The following SCMH1 variants were observed in gnomAD, a reference collection of about 807,000 sequenced individuals.
SCMH1 encodes polycomb protein SCMH1.
In SCMH1, 37 loss-of-function variants were observed where a neutral mutation model predicts 70.8. The ratio of observed to expected loss-of-function variants is 0.52; its 90% CI spans 0.40 to 0.69. The LOEUF (loss-of-function observed/expected upper bound fraction) is 0.69. Among genes scored for constraint, SCMH1 ranks in the 30% least tolerant of loss-of-function variants. SCMH1 has a pLI of 0.00. For missense variants in SCMH1, 607 were observed against 827.3 expected, an observed-to-expected ratio of 0.73 and a Z score of 3.27; for synonymous variants, 292 against 307.4, an observed-to-expected ratio of 0.95 and a Z score of 0.52.
At chr1:41,100,786 G>A (rs11209523) in intron 8 of SCMH1, among the ~76,000 whole-genome samples, 13,173 of 151,962 alleles carry the variant, frequency 0.087, 715 homozygotes, top group South Asian at 0.13. Context: ...GGCTGGTCTC[G>A]AACTCCTGAC....
In SCMH1 at chr1:41,143,503, A is replaced by G. The variant is rs186986666; in HGVS notation, c.178-391T>C. The stretch of plus-strand genomic sequence containing the variant: ...GTGTCTCTTTGTGGAATATTTCAGT[A>G]TATTGGTGTGTATATCTACCACACA... On this transcript the variant is annotated intron_variant, in intron 5 of 14. Coordinates refer to ENST00000337495, the Ensembl canonical transcript of SCMH1. Among the ~76,000 whole-genome samples the G allele has an allele frequency of 8.5e-5, 13 of 152,262 alleles. No individual in the cohort carries two copies. In the East Asian group the frequency reaches 2.5e-3, roughly 29 times the overall value.
chr1:41,103,025 T>C (rs994657879), intron 8 of SCMH1, among the ~76,000 whole-genome samples: 2 of 152,172 alleles, frequency 1.3e-5, no homozygotes, highest in Non-Finnish European at 2.9e-5. Context: ...CATATATGAA[T>C]GTTTATGTTT....
chr1:41,139,261 G>A (rs1039489516), intron 6 of SCMH1, among the ~76,000 whole-genome samples: 1 of 151,970 alleles, frequency 6.6e-6, no homozygotes, highest in Non-Finnish European at 1.5e-5. Flanking sequence ...TCTCATTCTG[G>A]GGGCAATTTT....
chr1:41,120,689 T>C (rs1260659990), intron 6 of SCMH1, among the ~76,000 whole-genome samples: 1 of 152,104 alleles, frequency 6.6e-6, no homozygotes, highest in Non-Finnish European at 1.5e-5. Flanking sequence ...TCATAGATAG[T>C]AGATAATTTT....
chr1:41,205,213 G>A (rs982357654), intron 1 of SCMH1, among the ~76,000 whole-genome samples: 2 of 152,174 alleles, frequency 1.3e-5, no homozygotes, highest in Non-Finnish European at 1.5e-5. Context: ...TACAGCCCAC[G>A]GAGGGCAAGC....
intron 8 of SCMH1, among the ~76,000 whole-genome samples, chr1:41,098,385 C>CA (rs1665667072): frequency 6.6e-6 from 1 of 152,114 alleles, no homozygotes; most frequent in Non-Finnish European, 1.5e-5. Context: ...GAAAATAACT[C>CA]ACATTTTTTG....
intron 1 of SCMH1, among the ~76,000 whole-genome samples, chr1:41,212,628 C>T (rs565813062): frequency 2.4e-4 from 37 of 152,056 alleles, no homozygotes; most frequent in Non-Finnish European, 4.1e-4. Context: ...CTTAGCCATA[C>T]TAAATAGTCC....
chr1:41,180,515 C>G (rs577104307), intron 2 of SCMH1, among the ~76,000 whole-genome samples: 1 of 152,152 alleles, frequency 6.6e-6, no homozygotes, highest in African/African-American at 2.4e-5. Context: ...GATAGAAAAT[C>G]GATGTGCAAA....
chr1:41,208,564 A>G (rs1434380670), intron 1 of SCMH1, among the ~76,000 whole-genome samples: 2 of 152,230 alleles, frequency 1.3e-5, no homozygotes, highest in African/African-American at 4.8e-5. Flanking sequence ...AGAACTCAGT[A>G]TTAAGAAACT....
At chr1:41,185,903 G>A (rs1477364486) in intron 2 of SCMH1, 1 of 347,430 alleles carries the variant, frequency 2.9e-6, no homozygotes, top group Non-Finnish European at 5.3e-6. Context: ...GGAATTACAG[G>A]CATGAGCCAC....
chr1:41,161,722 A>G (rs921395282), intron 2 of SCMH1, among the ~76,000 whole-genome samples: 2 of 152,244 alleles, frequency 1.3e-5, no homozygotes, highest in Non-Finnish European at 2.9e-5. Flanking sequence ...TTAAAAGGCT[A>G]AAGAACAAAT....
intron 12 of SCMH1, among the ~76,000 whole-genome samples, chr1:41,044,795 G>A (rs567049735): frequency 3.2e-4 from 49 of 152,190 alleles, no homozygotes; most frequent in Admixed American, 8.5e-4. Flanking sequence ...TCAGAGAGAT[G>A]TAAATTGGGG....
intron 2 of SCMH1, 97 bp downstream of exon 2, chr1:41,186,024 C>T (rs575672207): frequency 6.2e-5 from 83 of 1,347,152 alleles, no homozygotes; most frequent in Admixed American, 1.3e-4. Flanking sequence ...AAAAGGATAA[C>T]GAGTAGTCTA....
intron 12 of SCMH1, chr1:41,041,565 C>T (rs1020042464): frequency 6.6e-6 from 1 of 152,170 alleles, no homozygotes; most frequent in African/African-American, 2.4e-5. Context: ...CGAAGGTCCA[C>T]CTGAAAAGCG....
exon 13 of SCMH1, chr1:41,037,369 G>A: frequency 1.2e-6 from 2 of 1,614,006 alleles, no homozygotes; most frequent in Non-Finnish European, 1.7e-6. Context: ...TACCCCTGGA[G>A]CATAGCCTGC....
At chr1:41,142,055 A>G (rs1644135185) in intron 6 of SCMH1, among the ~76,000 whole-genome samples, 1 of 152,230 alleles carries the variant, frequency 6.6e-6, no homozygotes, top group South Asian at 2.1e-4. Context: ...ATTGACTTCA[A>G]CAATGAAGGT....
chr1:41,132,788 T>C (rs1642584392), intron 6 of SCMH1, among the ~76,000 whole-genome samples: 3 of 152,226 alleles, frequency 2.0e-5, no homozygotes, highest in Admixed American at 1.3e-4. Flanking sequence ...GCACCATTTA[T>C]TAAATAGGGA....
intron 1 of SCMH1, among the ~76,000 whole-genome samples, chr1:41,209,369 G>A (rs1306987680): frequency 6.6e-6 from 1 of 152,130 alleles, no homozygotes; most frequent in African/African-American, 2.4e-5. Flanking sequence ...CATTTTATGA[G>A]GCCAGCATCA....
At chr1:41,050,665 GATA>G (rs1212256724) in intron 10 of SCMH1, among the ~76,000 whole-genome samples, 3 of 152,208 alleles carry the variant, frequency 2.0e-5, no homozygotes, top group Non-Finnish European at 1.5e-5. Flanking sequence ...AAATGAGCCA[GATA>G]ATAAGAGAGG....
Sources: allele counts gnomAD v4.1 joint callset (sites outside exome capture counted in the v4.1 genomes callset), GRCh38; gene constraint gnomAD v4.1.1; transcripts MANE v1.5; gene names NCBI Gene and HGNC (gene_info 2026-07-23, HGNC 2026-07-21).